Variants in CDH20 observed in about 807,000 individuals in gnomAD.
CDH20 encodes cadherin-20.
A neutral mutation model predicts 74.2 loss-of-function variants in CDH20; 29 were observed. The ratio of observed to expected loss-of-function variants is 0.39; its 90% CI spans 0.29 to 0.53. The LOEUF (loss-of-function observed/expected upper bound fraction) is 0.53. CDH20 is among the 20% of genes least tolerant of loss of function. CDH20 has a pLI of 0.69. For synonymous variants in CDH20, 469 were observed against 405.4 expected (o/e 1.16, Z -1.88); for missense variants, 988 against 1,048.3 (o/e 0.94, Z 0.79).
At chr18:61,411,999 G>T (rs1912528046) in intron 1 of CDH20, among the ~76,000 whole-genome samples, 1 of 150,594 alleles carries the variant, frequency 6.6e-6, no homozygotes, top group Admixed American at 6.6e-5. Flanking sequence ...AAAACCTATG[G>T]AAATAAAAAA....
chr18:61,409,014 C>T (rs79574722), intron 1 of CDH20, among the ~76,000 whole-genome samples: 5,619 of 152,244 alleles, frequency 0.037, 157 homozygotes, highest in South Asian at 0.072. Flanking sequence ...TCAGAAAAAG[C>T]AGTAGCATCT....
intron 11 of CDH20, among the ~76,000 whole-genome samples, chr18:61,553,599 C>T (rs528908327): frequency 6.6e-6 from 1 of 152,188 alleles, no homozygotes; most frequent in African/African-American, 2.4e-5. Flanking sequence ...TTATTGGACC[C>T]CAGGGATCAC....
At position 61,505,429 on chromosome 18, in the gene CDH20, C is replaced by G. The variant is rs561906797; in HGVS notation, c.830-1944C>G. On this transcript the variant is annotated intron_variant, in intron 5 of 11. Transcript: ENST00000262717. ...CACAGCTCACTGTAGCCTCAACCCC[C>G]AGGCTCAAGCAATCCTCCCACCTCA... Among the ~76,000 whole-genome samples the G allele has an allele frequency of 8.6e-4, 131 of 151,528 alleles. 1 individual carries two copies. The highest frequency in any genetic ancestry group is 3.1e-3 in the African/African-American group (128 of 41,274).
intron 1 of CDH20, among the ~76,000 whole-genome samples, chr18:61,348,322 C>T (rs1000735008): frequency 5.3e-5 from 8 of 152,106 alleles, no homozygotes; most frequent in African/African-American, 1.9e-4. Context: ...CTGAATGAGA[C>T]CTTAATTAGT....
At chr18:61,488,022 A>G (rs1044331439) in intron 1 of CDH20, among the ~76,000 whole-genome samples, 8 of 152,158 alleles carry the variant, frequency 5.3e-5, no homozygotes, top group African/African-American at 1.9e-4. Flanking sequence ...GTGCTTAGGC[A>G]AAATATAGGT....
chr18:61,496,521 G>T (rs1291061005), intron 2 of CDH20, among the ~76,000 whole-genome samples: 6 of 152,012 alleles, frequency 3.9e-5, no homozygotes, highest in Non-Finnish European at 2.9e-5. Flanking sequence ...GAAAGCGAAG[G>T]CCTCACACTC....
intron 1 of CDH20, among the ~76,000 whole-genome samples, chr18:61,385,929 C>CA (rs201684632): frequency 0.02 from 1,347 of 65,902 alleles, 23 homozygotes; most frequent in East Asian, 0.075. Context: ...GACTTTGTCT[C>CA]AAAAAAAAAA....
intron 1 of CDH20, among the ~76,000 whole-genome samples, chr18:61,382,467 C>A (rs1381303089): frequency 6.6e-6 from 1 of 152,172 alleles, no homozygotes; most frequent in Non-Finnish European, 1.5e-5. Context: ...GGTAGTTTCC[C>A]ACTCTTAACA....
intron 1 of CDH20, among the ~76,000 whole-genome samples, chr18:61,412,076 T>C (rs1388449368): frequency 6.6e-6 from 1 of 151,562 alleles, no homozygotes; most frequent in African/African-American, 2.4e-5. Context: ...AAAAGCACTA[T>C]AAGTAAAATT....
At chr18:61,382,772 T>C (rs553852989) in intron 1 of CDH20, among the ~76,000 whole-genome samples, 1 of 152,296 alleles carries the variant, frequency 6.6e-6, no homozygotes, top group South Asian at 2.1e-4. Context: ...AAATAGTAGA[T>C]GATAGCAGGG....
chr18:61,478,248 A>G (rs1161809005), intron 1 of CDH20, among the ~76,000 whole-genome samples: 1 of 151,390 alleles, frequency 6.6e-6, no homozygotes, highest in Non-Finnish European at 1.5e-5. Context: ...TGATCATTTT[A>G]TTTCTGCCTT....
chr18:61,400,829 C>A (rs1294319141), intron 1 of CDH20, among the ~76,000 whole-genome samples: 1 of 152,170 alleles, frequency 6.6e-6, no homozygotes. Flanking sequence ...GAGCTCTGGT[C>A]AGTCTTTGGT....
intron 1 of CDH20, among the ~76,000 whole-genome samples, chr18:61,424,650 G>GA (rs1475941184): frequency 2.6e-5 from 4 of 152,218 alleles, no homozygotes; most frequent in South Asian, 2.1e-4. Context: ...TGTAGTATGG[G>GA]AAAAAACATT....
At chr18:61,520,315 C>A (rs1397191826) in intron 6 of CDH20, among the ~76,000 whole-genome samples, 399 of 122,018 alleles carry the variant, frequency 3.3e-3, no homozygotes, top group East Asian at 0.013. Flanking sequence ...GACTCCGTCT[C>A]AAAAAAAAAA....
At chr18:61,541,265 T>G (rs1568183544) in intron 9 of CDH20, among the ~76,000 whole-genome samples, 1 of 151,480 alleles carries the variant, frequency 6.6e-6, no homozygotes, top group Non-Finnish European at 1.5e-5. Context: ...TTTATTTTAA[T>G]AATTTTTGTT....
chr18:61,396,072 T>TGTGTGTGTGTGTGTG (rs1568123837), intron 1 of CDH20, among the ~76,000 whole-genome samples: 5 of 151,912 alleles, frequency 3.3e-5, no homozygotes, highest in South Asian at 2.1e-4. Flanking sequence ...TGTGTGTGTG[T>TGTGTGTGTGTGTGTG]TCATGCACGC....
At chr18:61,468,935 T>C (rs1910062794) in intron 1 of CDH20, among the ~76,000 whole-genome samples, 1 of 152,196 alleles carries the variant, frequency 6.6e-6, no homozygotes, top group Non-Finnish European at 1.5e-5. Flanking sequence ...GGGAAACTAG[T>C]TCCATTCATC....
In CDH20 at chr18:61,333,658, C is replaced by G. The variant is rs1221161439; in HGVS notation, c.-322C>G. ...ATCCGAAGGCAGAAAAGCTGTGACA[C>G]TTCTGACAGAGGGGGTAGGGGGGTG... On this transcript the variant is annotated 5_prime_UTR_variant, in exon 1 of 12. Transcript: ENST00000262717. The G allele has an allele frequency of 4.5e-5, 6 of 131,974 alleles. No homozygotes were observed. The highest frequency in any genetic ancestry group is 9.1e-5 in the Non-Finnish European group (6 of 65,726). 8.2% of individuals were successfully genotyped at this position (131,974 alleles called of 1,614,324 possible).
At chr18:61,454,945 T>G (rs1013204014) in intron 1 of CDH20, among the ~76,000 whole-genome samples, 1 of 152,186 alleles carries the variant, frequency 6.6e-6, no homozygotes, top group Non-Finnish European at 1.5e-5. Flanking sequence ...TGAGTACTGA[T>G]CCTGGCCCTG....
Sources: gnomAD v4.1 joint callset for allele counts (sites outside exome capture counted in the v4.1 genomes callset) on GRCh38, gnomAD v4.1.1 for gene constraint, MANE v1.5 for transcripts, NCBI Gene and HGNC (gene_info 2026-07-23, HGNC 2026-07-21) for gene names.